ANKFN1: variants seen among roughly 807,000 people sequenced by gnomAD.
ANKFN1 encodes the protein ankyrin repeat and fibronectin type-III domain-containing protein 1.
A neutral mutation model predicts 108.7 loss-of-function variants in ANKFN1; 74 were observed. That is an observed-to-expected ratio of 0.68 (90% confidence interval 0.56 to 0.83). The LOEUF (loss-of-function observed/expected upper bound fraction) is 0.83, where lower values mean the gene tolerates loss of function less well. ANKFN1 is among the 40% of genes least tolerant of loss of function. ANKFN1 has a pLI of 0.00. For missense variants in ANKFN1, 1,505 were observed against 1,382.3 expected (o/e 1.09, Z -1.41); for synonymous variants, 547 against 516.2 (o/e 1.06, Z -0.81).
At chr17:56,420,703 T>TA (rs1491297945) in intron 8 of ANKFN1, among the ~76,000 whole-genome samples, 12 of 119,416 alleles carry the variant, frequency 1.0e-4, no homozygotes, top group Non-Finnish European at 1.5e-4. Context: ...TTTTTTTTTT[T>TA]ATTGTTGTTT....
chr17:56,281,323 A>G (rs1334125190), intron 3 of ANKFN1, among the ~76,000 whole-genome samples: 1 of 152,244 alleles, frequency 6.6e-6, no homozygotes, highest in African/African-American at 2.4e-5. Context: ...AAATGTTTTC[A>G]ATAAATGGTT....
intron 8 of ANKFN1, among the ~76,000 whole-genome samples, chr17:56,381,734 G>GA (rs1391466200): frequency 6.6e-6 from 1 of 152,088 alleles, no homozygotes; most frequent in Non-Finnish European, 1.5e-5. Context: ...GAAGTTTAGA[G>GA]AAAAAAGAAT....
At chr17:56,230,100 T>G (rs1333410862) in intron 3 of ANKFN1, among the ~76,000 whole-genome samples, 2 of 152,036 alleles carry the variant, frequency 1.3e-5, no homozygotes, top group Non-Finnish European at 2.9e-5. Flanking sequence ...AGATCTATAG[T>G]GAATGACAGG....
chr17:56,197,832 A>G (rs918962926), intron 1 of ANKFN1, among the ~76,000 whole-genome samples: 4 of 152,164 alleles, frequency 2.6e-5, no homozygotes, highest in African/African-American at 9.7e-5. Flanking sequence ...CGTGGAAGAC[A>G]ATTTTTCCAT....
At chr17:56,426,316 G>A (rs1161135936) in intron 8 of ANKFN1, among the ~76,000 whole-genome samples, 1 of 152,104 alleles carries the variant, frequency 6.6e-6, no homozygotes, top group Non-Finnish European at 1.5e-5. Flanking sequence ...TTTCCAAATA[G>A]CAGTCTTGTT....
intron 8 of ANKFN1, among the ~76,000 whole-genome samples, chr17:56,431,818 T>C (rs2048766292): frequency 6.6e-6 from 1 of 152,244 alleles, no homozygotes; most frequent in Non-Finnish European, 1.5e-5. Flanking sequence ...CCAACAGGAC[T>C]CAGAAAGCTG....
At chr17:56,385,002 G>A (rs372735425) in intron 8 of ANKFN1, among the ~76,000 whole-genome samples, 22 of 151,508 alleles carry the variant, frequency 1.5e-4, no homozygotes, top group South Asian at 4.2e-4. Context: ...AAAAGAGCCC[G>A]CATCGCCAAG....
intron 20 of ANKFN1, among the ~76,000 whole-genome samples, chr17:56,507,572 C>A (rs910475087): frequency 6.6e-6 from 1 of 152,148 alleles, no homozygotes; most frequent in African/African-American, 2.4e-5. Context: ...CAGTTCATCC[C>A]CTCCTTGATG....
chr17:56,369,240 G>A (rs1326975029), intron 6 of ANKFN1, among the ~76,000 whole-genome samples: 2 of 152,002 alleles, frequency 1.3e-5, no homozygotes, highest in African/African-American at 2.4e-5. Context: ...ATCTGTATTG[G>A]GGTACAGGAA....
At chr17:56,444,771 G>C (rs1313276884) in intron 10 of ANKFN1, among the ~76,000 whole-genome samples, 1 of 152,126 alleles carries the variant, frequency 6.6e-6, no homozygotes, top group Admixed American at 6.5e-5. Flanking sequence ...ATTTGAACTG[G>C]GGTTCAGAGA....
At chr17:56,150,198 T>C (rs1004871643), upstream of ANKFN1, among the ~76,000 whole-genome samples, 3 of 152,248 alleles carry the variant, frequency 2.0e-5, no homozygotes, top group African/African-American at 7.2e-5. Context: ...AGAAACTAGA[T>C]GTGGTCCACC....
At chr17:56,395,622 G>T (rs2144899420) in intron 8 of ANKFN1, among the ~76,000 whole-genome samples, 1 of 152,308 alleles carries the variant, frequency 6.6e-6, no homozygotes, top group Middle Eastern at 3.4e-3. Flanking sequence ...GCCAAGGCAG[G>T]CAGATCAATT....
chr17:56,325,979 T>C (rs796223991), intron 3 of ANKFN1, among the ~76,000 whole-genome samples: 1 of 152,170 alleles, frequency 6.6e-6, no homozygotes, highest in Non-Finnish European at 1.5e-5. Flanking sequence ...ACGGATACAA[T>C]AGGCTAAGCA....
At chr17:56,162,699 T>C (rs976526494) in intron 1 of ANKFN1, among the ~76,000 whole-genome samples, 4 of 152,170 alleles carry the variant, frequency 2.6e-5, no homozygotes, top group African/African-American at 9.7e-5. Flanking sequence ...AGTGGAAATA[T>C]CAATTAGCAA....
At chr17:56,339,885 T>G (rs2045916148) in intron 4 of ANKFN1, among the ~76,000 whole-genome samples, 1 of 152,130 alleles carries the variant, frequency 6.6e-6, no homozygotes, top group Non-Finnish European at 1.5e-5. Flanking sequence ...ACCACACTGT[T>G]TTCCACAATG....
chr17:56,242,752 T>C (rs1193660933), intron 3 of ANKFN1, among the ~76,000 whole-genome samples: 3 of 152,138 alleles, frequency 2.0e-5, no homozygotes, highest in African/African-American at 7.2e-5. Context: ...CGGACTTTAG[T>C]AAGAATTTAT....
Position 56,315,044 on chromosome 17 carries a change from T to C in ANKFN1, c.54-11177T>C, listed in dbSNP as rs114057412. On this transcript the variant is annotated intron_variant, in intron 3 of 20. Coordinates refer to ENST00000682825, the MANE Select transcript of ANKFN1 (RefSeq NM_001370326.1). ...AGCCCTTCTTGTTCAGGTGCAAATG[T>C]GTTTCACTGGGCTACATGTAACTCT... Among the ~76,000 whole-genome samples the C allele has an allele frequency of 5.6e-3, 857 of 152,342 alleles. 4 individuals carry two copies. The highest frequency in any genetic ancestry group is 0.02 in the African/African-American group (835 of 41,566).
intron 3 of ANKFN1, chr17:56,228,240 G>T (rs548170600): frequency 3.1e-6 from 1 of 327,212 alleles, no homozygotes; most frequent in South Asian, 6.4e-5. Flanking sequence ...TATATATTAT[G>T]ACCATGTGAC....
intron 20 of ANKFN1, among the ~76,000 whole-genome samples, chr17:56,508,635 T>C (rs2051647324): frequency 6.6e-6 from 1 of 152,188 alleles, no homozygotes; most frequent in South Asian, 2.1e-4. Flanking sequence ...TAGAGATGAA[T>C]GAATGGAGGG....
Sources: gnomAD v4.1 joint callset for allele counts (sites outside exome capture counted in the v4.1 genomes callset) on GRCh38, gnomAD v4.1.1 for gene constraint, MANE v1.5 for transcripts, NCBI Gene and HGNC (gene_info 2026-07-23, HGNC 2026-07-21) for gene names.